Variants in CTNNA2 observed in about 807,000 individuals in gnomAD.
CTNNA2 encodes the protein catenin alpha 2, also known as catenin alpha-2.
In CTNNA2, 42 loss-of-function variants were observed where a neutral mutation model predicts 101.0. The observed-to-expected ratio is 0.42, with a 90% CI of 0.32 to 0.54. The LOEUF is 0.54. Ranked by LOEUF, CTNNA2 falls within the 20% of genes least tolerant of loss-of-function variation. CTNNA2 has a pLI of 0.14. For missense variants in CTNNA2, 871 were observed against 1,223.1 expected, an observed-to-expected ratio of 0.71 and a Z score of 4.29; for synonymous variants, 450 against 456.4, an observed-to-expected ratio of 0.99 and a Z score of 0.18.
At chr2:80,222,751 T>C (rs1708639947) in intron 7 of CTNNA2, among the ~76,000 whole-genome samples, 1 of 152,242 alleles carries the variant, frequency 6.6e-6, no homozygotes, top group Non-Finnish European at 1.5e-5. Flanking sequence ...CAGGCAGTGA[T>C]AACTTTATGC....
chr2:79,885,586 C>T (rs1683797098), intron 6 of CTNNA2, among the ~76,000 whole-genome samples: 1 of 152,222 alleles, frequency 6.6e-6, no homozygotes, highest in African/African-American at 2.4e-5. Flanking sequence ...ACTTATTTAT[C>T]AGGGAAACTT....
intron 7 of CTNNA2, among the ~76,000 whole-genome samples, chr2:80,136,427 T>G (rs1702699999): frequency 6.6e-6 from 1 of 152,238 alleles, no homozygotes; most frequent in Non-Finnish European, 1.5e-5. Flanking sequence ...GTTTGTTGGC[T>G]TTCTTCTATG....
At chr2:79,773,605 C>T (rs1673747662) in intron 3 of CTNNA2, among the ~76,000 whole-genome samples, 1 of 152,020 alleles carries the variant, frequency 6.6e-6, no homozygotes, top group African/African-American at 2.4e-5. Context: ...AGCAGGTTTG[C>T]CCTGAGCAGT....
chr2:79,765,576 C>T lies in CTNNA2; in HGVS notation c.298+20994C>T, dbSNP rs941752910. On this transcript the variant is annotated intron_variant, in intron 3 of 18. Coordinates refer to ENST00000402739, the MANE Select transcript of CTNNA2 (RefSeq NM_001282597.3). ...GCTACTGGACTCCTAGACTGCCCTT[C>T]CAGAAAGATCTATCCCCACATCCCA... 3.9e-5 allele frequency among the ~76,000 whole-genome samples: 6 copies of T among 152,094 alleles called. 1 individual carries two copies. The highest frequency in any genetic ancestry group is 1.4e-4 in the African/African-American group (6 of 41,436).
At chr2:80,437,813 A>C (rs1167434463) in intron 9 of CTNNA2, among the ~76,000 whole-genome samples, 3 of 152,366 alleles carry the variant, frequency 2.0e-5, no homozygotes, top group Admixed American at 1.3e-4. Flanking sequence ...AGCCTGACCA[A>C]CTTGGTAAAA....
rs1031648856 is a variant in CTNNA2, at chr2:80,054,721, C to T, written c.1056+144924C>T. The stretch of plus-strand genomic sequence containing the variant: ...AAAGGGACTTTGCAAAAGTGGAGGA[C>T]CTGAGGCTCTGACCCTTAGTCTTCT... On this transcript the variant is annotated intron_variant, in intron 7 of 18. Transcript: ENST00000402739. 3.9e-5 allele frequency among the ~76,000 whole-genome samples: 6 copies of T among 152,194 alleles called. 1 individual carries two copies. The South Asian group carries it at 1.0e-3, about 26-fold the overall frequency.
intron 3 of CTNNA2, among the ~76,000 whole-genome samples, chr2:79,832,321 G>A (rs1678990356): frequency 6.6e-6 from 1 of 152,170 alleles, no homozygotes; most frequent in East Asian, 1.9e-4. Context: ...TTGGATTGTG[G>A]CCTCTCTGAT....
At chr2:80,100,125 G>C (rs1700454970) in intron 7 of CTNNA2, among the ~76,000 whole-genome samples, 1 of 151,870 alleles carries the variant, frequency 6.6e-6, no homozygotes, top group Non-Finnish European at 1.5e-5. Flanking sequence ...GTAGAGATGG[G>C]GTTTCACCAT....
intron 7 of CTNNA2, among the ~76,000 whole-genome samples, chr2:80,207,949 G>A (rs79324532): frequency 0.17 from 25,788 of 151,938 alleles, 2,816 homozygotes; most frequent in East Asian, 0.48. Context: ...TGGAGTCACA[G>A]GAAAAAAGAA....
intron 1 of CTNNA2, among the ~76,000 whole-genome samples, chr2:79,561,305 A>C (rs1405563570): frequency 6.6e-6 from 1 of 151,756 alleles, no homozygotes; most frequent in Non-Finnish European, 1.5e-5. Context: ...CATATACCAC[A>C]TTTTGTTTAT....
At chr2:79,549,791 C>A (rs1003794041) in intron 1 of CTNNA2, among the ~76,000 whole-genome samples, 3 of 152,124 alleles carry the variant, frequency 2.0e-5, no homozygotes, top group Non-Finnish European at 4.4e-5. Context: ...AGGACCACTA[C>A]CCCTGGTTTC....
In CTNNA2 at chr2:79,440,058, G is replaced by T. The variant is rs559940321; in HGVS notation, c.-134-64996G>T. On this transcript the variant is annotated intron_variant, in intron 4 of 21. Transcript: ENST00000466387. The stretch of plus-strand genomic sequence containing the variant: ...TAAGCCTCATAGCTGAAGAAAATTT[G>T]ATATAAAGGTATGTTATCCCTGGAT... Among the ~76,000 whole-genome samples, 20 of 152,024 alleles carry T rather than the reference G, an allele frequency of 1.3e-4. No individual in the cohort carries two copies. The South Asian group carries it at 4.0e-3, about 30-fold the overall frequency.
intron 18 of CTNNA2, among the ~76,000 whole-genome samples, chr2:80,636,095 C>G (rs187733477): frequency 5.9e-4 from 89 of 151,252 alleles, no homozygotes; most frequent in Admixed American, 1.6e-3. Flanking sequence ...TTCATATAAC[C>G]TGCCATTTGC....
intron 4 of CTNNA2, among the ~76,000 whole-genome samples, chr2:79,474,022 TA>T (rs770595546): frequency 7.2e-5 from 11 of 152,172 alleles, no homozygotes; most frequent in African/African-American, 1.4e-4. Flanking sequence ...TAATTTTAAT[TA>T]GTTTAAACTA....
At chr2:79,966,261 G>C (rs1690052324) in intron 7 of CTNNA2, among the ~76,000 whole-genome samples, 1 of 152,044 alleles carries the variant, frequency 6.6e-6, no homozygotes, top group East Asian at 1.9e-4. Context: ...TGGGGGACAG[G>C]GTCTTGCTTT....
intron 1 of CTNNA2, among the ~76,000 whole-genome samples, chr2:79,527,713 G>C (rs1173025989): frequency 4.6e-5 from 7 of 152,004 alleles, no homozygotes; most frequent in East Asian, 1.9e-4. Context: ...TAAATTTAAG[G>C]GGGAATATAA....
rs72823705 is a variant in CTNNA2, at chr2:80,468,428, A to T, written c.1290+48827A>T. On this transcript the variant is annotated intron_variant, in intron 9 of 18. Transcript: ENST00000402739. ...CTATTTTTCATTTATTTATTTATTTATTTTTTTTGAGATGGAGCCTGGCTC... is the reference window on the plus strand; with the variant it reads ...CTATTTTTCATTTATTTATTTATTTTTTTTTTTTGAGATGGAGCCTGGCTC... Among the ~76,000 whole-genome samples the T allele has an allele frequency of 5.7e-3, 862 of 151,512 alleles. 6 individuals carry two copies. Among genetic ancestry groups the T allele is most frequent in the African/African-American group, 1.0e-2 (411 of 41,242 alleles).
intron 15 of CTNNA2, 94 bp from the exon 16 acceptor site, chr2:80,603,980 A>G: frequency 9.5e-7 from 1 of 1,052,828 alleles, no homozygotes; most frequent in South Asian, 1.5e-5. Context: ...GCCAAATAAA[A>G]TACAACACTA....
intron 7 of CTNNA2, among the ~76,000 whole-genome samples, chr2:80,331,116 A>G (rs1183365385): frequency 6.6e-6 from 1 of 151,728 alleles, no homozygotes; most frequent in Non-Finnish European, 1.5e-5. Flanking sequence ...GGGCCAGTGA[A>G]TGGTGCAAAG....
Sources: allele counts gnomAD v4.1 joint callset (sites outside exome capture counted in the v4.1 genomes callset), GRCh38; gene constraint gnomAD v4.1.1; transcripts MANE v1.5; gene names NCBI Gene and HGNC (gene_info 2026-07-23, HGNC 2026-07-21).